ANTXR2: variants seen among roughly 807,000 people sequenced by gnomAD.
ANTXR2 encodes the protein ANTXR cell adhesion molecule 2.
ANTXR2 carries 44 observed loss-of-function variants against 73.7 expected under a neutral mutation model. The observed-to-expected ratio is 0.60, with a 90% CI of 0.47 to 0.77. The LOEUF is 0.77. Among genes scored for constraint, ANTXR2 ranks in the 30% least tolerant of loss-of-function variants. The probability of loss-of-function intolerance (pLI) is 0.00; values close to 1 mark genes in which losing one functional copy is unlikely to be tolerated. For missense variants in ANTXR2, 604 were observed against 592.5 expected (o/e 1.02, Z -0.20); for synonymous variants, 217 against 205.9 (o/e 1.05, Z -0.46).
chr4:80,049,109 A>T (rs1370469436), intron 7 of ANTXR2, among the ~76,000 whole-genome samples: 1 of 133,010 alleles, frequency 7.5e-6, no homozygotes, highest in Non-Finnish European at 1.6e-5. Flanking sequence ...TCTGCTTAAT[A>T]CTTTCTGAGG....
In ANTXR2 at chr4:79,902,192, G is replaced by A. The variant is rs1232391393; in HGVS notation, c.*5237C>T. 1.3e-5 allele frequency: 2 copies of A among 152,112 alleles called. No homozygotes were observed. The highest frequency in any genetic ancestry group is 4.8e-5 in the African/African-American group (2 of 41,410). The allele number at this position is 152,112 out of a possible 1,614,324, so 9.4% of individuals were successfully genotyped here. A position where few individuals can be genotyped will look rare whatever the true frequency, so the allele number is the denominator to read the frequency against. ...TCATCTAAGATACAAATAACTTCAT[G>A]GCAATTAGGAAACCCTATTTAGGTT... On this transcript the variant is annotated 3_prime_UTR_variant, in exon 17 of 17. Coordinates refer to ENST00000403729, the MANE Select transcript of ANTXR2 (RefSeq NM_058172.6).
At chr4:79,927,692 C>G (rs1727875791) in intron 16 of ANTXR2, among the ~76,000 whole-genome samples, 1 of 152,138 alleles carries the variant, frequency 6.6e-6, no homozygotes, top group African/African-American at 2.4e-5. Context: ...TATATTAAAA[C>G]ATTATGTTGT....
At chr4:80,033,679 A>G (rs1241157694) in intron 8 of ANTXR2, 109 bp from the exon 9 acceptor site, 30 of 786,284 alleles carry the variant, frequency 3.8e-5, no homozygotes, top group African/African-American at 5.5e-5. Flanking sequence ...TTTTCATACT[A>G]TTCAGTTAAC....
intron 10 of ANTXR2, among the ~76,000 whole-genome samples, chr4:80,026,197 G>T (rs1451762473): frequency 1.3e-5 from 2 of 152,098 alleles, no homozygotes; most frequent in Non-Finnish European, 2.9e-5. Context: ...TTATGGGGAT[G>T]GTTTCCCCCA....
intron 10 of ANTXR2, among the ~76,000 whole-genome samples, chr4:80,029,701 G>A (rs1041857258): frequency 6.6e-6 from 1 of 151,848 alleles, no homozygotes; most frequent in African/African-American, 2.4e-5. Flanking sequence ...TGATTAAATA[G>A]GGTAAGTTAG....
Position 80,036,017 on chromosome 4 carries a change from A to G in ANTXR2, c.652T>C (p.Cys218Arg), listed in dbSNP as rs781637328. Residue 218 changes from cysteine (C) to arginine (R), a missense_variant, in exon 8 of 17, where the codon TGT becomes CGT. Transcript: ENST00000403729. ...GIINSILAQS[C>R]TEILELQPSS... ...GGCTGCAATTCTAGGATTTCAGTACATGACTGAGCTAGTATCTAAAAAAGA... is the reference window on the plus strand; with the variant it reads ...GGCTGCAATTCTAGGATTTCAGTACGTGACTGAGCTAGTATCTAAAAAAGA... 5.2e-6 allele frequency: 8 copies of G among 1,525,004 alleles called. No homozygotes were observed. The South Asian group carries it at 9.1e-5, about 17-fold the overall frequency. The allele number at this position is 1,525,004 out of a possible 1,614,324, so 94.5% of individuals were successfully genotyped here. A position where few individuals can be genotyped will look rare whatever the true frequency, so the allele number is the denominator to read the frequency against.
At chr4:80,011,538 C>T (rs535634648) in intron 11 of ANTXR2, among the ~76,000 whole-genome samples, 1 of 152,112 alleles carries the variant, frequency 6.6e-6, no homozygotes, top group South Asian at 2.1e-4. Flanking sequence ...TTTATTAGAA[C>T]TTTTTCAGTT....
At chr4:79,991,115 C>T (rs1048628269) in intron 12 of ANTXR2, among the ~76,000 whole-genome samples, 1 of 152,046 alleles carries the variant, frequency 6.6e-6, no homozygotes, top group African/African-American at 2.4e-5. Flanking sequence ...CCTAATTAAA[C>T]TAAAGAGCTT....
At chr4:80,036,650 A>C (rs532428461) in intron 7 of ANTXR2, among the ~76,000 whole-genome samples, 1 of 152,116 alleles carries the variant, frequency 6.6e-6, no homozygotes, top group African/African-American at 2.4e-5. Context: ...AAATACAAAA[A>C]ATGAGCCAGG....
intron 3 of ANTXR2, among the ~76,000 whole-genome samples, chr4:80,058,768 C>T (rs1344706003): frequency 6.6e-6 from 1 of 151,910 alleles, no homozygotes; most frequent in East Asian, 1.9e-4. Context: ...ATAAGTTCAA[C>T]TCCTTGAATT....
At chr4:79,975,877 TG>T (rs1236045727) in intron 16 of ANTXR2, among the ~76,000 whole-genome samples, 2 of 151,646 alleles carry the variant, frequency 1.3e-5, no homozygotes, top group African/African-American at 4.8e-5. Context: ...GATGATCTGT[TG>T]GGGAAAATTC....
intron 11 of ANTXR2, among the ~76,000 whole-genome samples, chr4:80,017,369 G>A (rs957154465): frequency 1.3e-5 from 2 of 152,114 alleles, no homozygotes; most frequent in Non-Finnish European, 2.9e-5. Context: ...TCCTTCTTAC[G>A]GAGAATCATC....
At chr4:79,964,175 C>G (rs1729258256) in intron 16 of ANTXR2, among the ~76,000 whole-genome samples, 1 of 152,182 alleles carries the variant, frequency 6.6e-6, no homozygotes, top group Admixed American at 6.5e-5. Flanking sequence ...AGACTGCCTT[C>G]TGAAGGTTAA....
chr4:80,003,564 TAATAA>T (rs999759944), intron 12 of ANTXR2, among the ~76,000 whole-genome samples: 4 of 151,244 alleles, frequency 2.6e-5, no homozygotes, highest in African/African-American at 4.9e-5. Context: ...AGTATAATAA[TAATAA>T]AATAAAATAA....
chr4:79,973,936 C>T lies in ANTXR2; in HGVS notation c.1428+3685G>A, dbSNP rs144219230. Among the ~76,000 whole-genome samples, 702 of 152,202 alleles carry T rather than the reference C, an allele frequency of 4.6e-3. 10 individuals are homozygous for T. Among genetic ancestry groups the T allele is most frequent in the African/African-American group, 0.016 (662 of 41,522 alleles). On this transcript the variant is annotated intron_variant, in intron 16 of 16. Transcript: ENST00000403729. ...ACTAGCAAGAAACATAAAGGCAAAA[C>T]GGCAAATCATGCCAAGCTTACCTGA... is the stretch of plus-strand genomic sequence containing the variant.
chr4:79,913,806 TGCATGAGAAGGGAA>T (rs1296052556), intron 16 of ANTXR2, among the ~76,000 whole-genome samples: 2 of 152,134 alleles, frequency 1.3e-5, no homozygotes, highest in African/African-American at 4.8e-5. Flanking sequence ...GCTGGGGTAG[TGCATGAGAAGGGAA>T]CAAGCAGGCA....
chr4:80,053,025 A>C lies in ANTXR2; in HGVS notation c.636+1247T>G, dbSNP rs190217490. ...CCCAGAGAGGTCCTTTCTCCTTCCC[A>C]GTATAATTATAAAAATCATTACAAA... On this transcript the variant is annotated intron_variant, in intron 7 of 16. Coordinates refer to ENST00000403729, the MANE Select transcript of ANTXR2 (RefSeq NM_058172.6). Among the ~76,000 whole-genome samples, 16 of 151,692 alleles carry C rather than the reference A, an allele frequency of 1.1e-4. No individual in the cohort carries two copies. In the East Asian group the frequency reaches 3.1e-3, roughly 29 times the overall value.
chr4:80,072,260 C>T (rs1734827746), intron 1 of ANTXR2, 149 bp downstream of exon 1: 4 of 892,388 alleles, frequency 4.5e-6, no homozygotes, highest in South Asian at 2.3e-5. Flanking sequence ...TCCGAACGCG[C>T]TTGCCCTTTG....
At position 79,993,395 on chromosome 4, in the gene ANTXR2, A is replaced by C. The variant is rs552816517; in HGVS notation, c.1042-8532T>G. Among the ~76,000 whole-genome samples the C allele has an allele frequency of 2.6e-5, 4 of 152,050 alleles. No homozygotes were observed. In the South Asian group the frequency reaches 8.3e-4, roughly 32 times the overall value. ...GAAGGGAAGGAAGGAGATAGACTGC[A>C]GAGGGAAGGACAAAGGAAGAAGGGA... On this transcript the variant is annotated intron_variant, in intron 12 of 16. Transcript: ENST00000403729.
Sources: allele counts gnomAD v4.1 joint callset (sites outside exome capture counted in the v4.1 genomes callset), GRCh38; gene constraint gnomAD v4.1.1; transcripts MANE v1.5; gene names NCBI Gene and HGNC (gene_info 2026-07-23, HGNC 2026-07-21).